The following TMTC1 variants were observed in gnomAD, a reference collection of about 807,000 sequenced individuals.
TMTC1 encodes protein O-mannosyl-transferase TMTC1.
Under a neutral mutation model 104.8 loss-of-function variants are expected in TMTC1, and 73 were observed. The observed-to-expected ratio is 0.70, with a 90% CI of 0.58 to 0.85. TMTC1 has a LOEUF of 0.85. Ranked by LOEUF, TMTC1 falls within the 40% of genes least tolerant of loss-of-function variation. TMTC1 has a pLI of 0.00. For synonymous variants in TMTC1, 434 were observed against 428.7 expected, an observed-to-expected ratio of 1.01 and a Z score of -0.15; for missense variants, 1,035 against 1,096.1, an observed-to-expected ratio of 0.94 and a Z score of 0.79.
chr12:29,606,836 A>G (rs547735793), intron 6 of TMTC1, among the ~76,000 whole-genome samples: 1 of 150,944 alleles, frequency 6.6e-6, no homozygotes, highest in African/African-American at 2.4e-5. Flanking sequence ...CTTCCAACGC[A>G]CCTTCCTCAC....
chr12:29,676,032 T>C (rs944355914), intron 5 of TMTC1, among the ~76,000 whole-genome samples: 3 of 152,194 alleles, frequency 2.0e-5, no homozygotes, highest in African/African-American at 4.8e-5. Flanking sequence ...ACGCCATTAA[T>C]TAAAAGGAAT....
Position 29,624,136 on chromosome 12 carries a change from C to T in TMTC1, c.1128+9011G>A, listed in dbSNP as rs927123486. Reference sequence around the variant, plus strand: ...CTGGGATTACATGCACCCACCATCACGCCCAGCTACTTTTTATATTTTTAG... The same window carrying T: ...CTGGGATTACATGCACCCACCATCATGCCCAGCTACTTTTTATATTTTTAG... On this transcript the variant is annotated intron_variant, in intron 6 of 17. Transcript: ENST00000539277. 7.2e-5 allele frequency among the ~76,000 whole-genome samples: 11 copies of T among 152,136 alleles called. No individual in the cohort carries two copies. In the East Asian group the frequency reaches 1.4e-3, roughly 19 times the overall value.
At chr12:29,619,373 AAG>A (rs1452857877) in intron 6 of TMTC1, among the ~76,000 whole-genome samples, 1 of 152,220 alleles carries the variant, frequency 6.6e-6, no homozygotes, top group Non-Finnish European at 1.5e-5. Flanking sequence ...GACACGAGGA[AAG>A]AGGATTTGTA....
intron 5 of TMTC1, among the ~76,000 whole-genome samples, chr12:29,673,436 A>G (rs1190085513): frequency 6.6e-6 from 1 of 152,144 alleles, no homozygotes; most frequent in Non-Finnish European, 1.5e-5. Context: ...AGTCTACATG[A>G]TTATTTTTAA....
At chr12:29,600,830 G>C (rs942434421) in intron 7 of TMTC1, among the ~76,000 whole-genome samples, 1 of 152,168 alleles carries the variant, frequency 6.6e-6, no homozygotes, top group Non-Finnish European at 1.5e-5. Context: ...GTGATGGTAC[G>C]TGTTAGTCCA....
At chr12:29,750,035 T>C (rs941305002) in intron 5 of TMTC1, among the ~76,000 whole-genome samples, 7 of 150,186 alleles carry the variant, frequency 4.7e-5, no homozygotes, top group African/African-American at 1.7e-4. Context: ...GGAACGTTTT[T>C]AAAAGAAATG....
chr12:29,642,838 T>C (rs1014577740), intron 5 of TMTC1, among the ~76,000 whole-genome samples: 1 of 151,472 alleles, frequency 6.6e-6, no homozygotes, highest in African/African-American at 2.4e-5. Flanking sequence ...GGCAGGAGAA[T>C]GGCGTGAACC....
At position 29,604,221 on chromosome 12, in the gene TMTC1, T is replaced by C; in HGVS notation, c.1207A>G (p.Arg403Gly). 6.2e-7 allele frequency: 1 copy of C among 1,613,912 alleles called. No homozygotes were observed. Among genetic ancestry groups the C allele is most frequent in the South Asian group, 1.1e-5 (1 of 91,076 alleles). Residue 403 changes from arginine to glycine, a missense_variant, in exon 7 of 18, where the codon AGG (arginine) becomes GGG (glycine). Physicochemically the swap from Arg to Gly is moderately radical, Grantham distance 125. Transcript: ENST00000539277. Reference sequence around the variant, plus strand: ...CTCTCCGCCACCACAAAACCCACCCTGAAGAAGAGGTTGCTGGCTGGAATG... The same window carrying C: ...CTCTCCGCCACCACAAAACCCACCCCGAAGAAGAGGTTGCTGGCTGGAATG... ...PFIPASNLFF[R>G]VGFVVAERVL...
At chr12:29,557,982 T>C (rs1212272706) in intron 9 of TMTC1, among the ~76,000 whole-genome samples, 3 of 151,898 alleles carry the variant, frequency 2.0e-5, no homozygotes, top group African/African-American at 7.3e-5. Context: ...AACCCAAAGG[T>C]ACGATGAAGT....
At chr12:29,632,065 T>G (rs1938327296) in intron 6 of TMTC1, among the ~76,000 whole-genome samples, 1 of 152,178 alleles carries the variant, frequency 6.6e-6, no homozygotes. Flanking sequence ...GTATATTACC[T>G]CTGCCCTTTC....
chr12:29,704,905 T>C (rs745645351), intron 5 of TMTC1, among the ~76,000 whole-genome samples: 45 of 152,212 alleles, frequency 3.0e-4, no homozygotes, highest in Non-Finnish European at 5.4e-4. Flanking sequence ...GCAGCATATC[T>C]AACGAAAAGA....
intron 5 of TMTC1, among the ~76,000 whole-genome samples, chr12:29,634,788 T>C (rs1938469132): frequency 6.6e-6 from 1 of 152,228 alleles, no homozygotes; most frequent in South Asian, 2.1e-4. Flanking sequence ...CAGGTTCTTT[T>C]AGAGGGAATC....
chr12:29,677,080 T>A (rs1940754151), intron 5 of TMTC1, among the ~76,000 whole-genome samples: 1 of 152,224 alleles, frequency 6.6e-6, no homozygotes, highest in Non-Finnish European at 1.5e-5. Flanking sequence ...GCATTTATCA[T>A]TTTAAGCCAT....
chr12:29,683,684 A>G (rs922321926), intron 5 of TMTC1, among the ~76,000 whole-genome samples: 109 of 152,328 alleles, frequency 7.2e-4, no homozygotes, highest in African/African-American at 2.5e-3. Flanking sequence ...CACAAAAAGC[A>G]GAAAATCCCA....
chr12:29,631,700 A>T (rs1261258392), intron 6 of TMTC1, among the ~76,000 whole-genome samples: 1 of 152,096 alleles, frequency 6.6e-6, no homozygotes. Context: ...GGGACCCTGG[A>T]TTCTATTTTG....
chr12:29,743,988 T>C (rs917965895), intron 5 of TMTC1, among the ~76,000 whole-genome samples: 9 of 152,182 alleles, frequency 5.9e-5, no homozygotes, highest in Admixed American at 3.3e-4. Context: ...GTATTCCATA[T>C]GGTGTCTGCT....
At chr12:29,745,526 C>T (rs12372206) in intron 5 of TMTC1, among the ~76,000 whole-genome samples, 3,934 of 145,422 alleles carry the variant, frequency 0.027, 70 homozygotes, top group Non-Finnish European at 0.041. Flanking sequence ...GAGGCTGAGG[C>T]AGGAGAATCA....
intron 7 of TMTC1, among the ~76,000 whole-genome samples, chr12:29,589,843 T>G (rs1452531227): frequency 1.3e-5 from 2 of 152,204 alleles, no homozygotes; most frequent in Non-Finnish European, 2.9e-5. Context: ...AGTACTGGTT[T>G]TAAATATATT....
intron 11 of TMTC1, among the ~76,000 whole-genome samples, chr12:29,524,063 T>C (rs1245848643): frequency 6.6e-6 from 1 of 152,174 alleles, no homozygotes; most frequent in Non-Finnish European, 1.5e-5. Context: ...CATTTATTGG[T>C]TATGATGTCT....
Sources: gnomAD v4.1 joint callset for allele counts (sites outside exome capture counted in the v4.1 genomes callset) on GRCh38, gnomAD v4.1.1 for gene constraint, MANE v1.5 for transcripts, NCBI Gene and HGNC (gene_info 2026-07-23, HGNC 2026-07-21) for gene names.